The following DMD variants were observed in gnomAD, a reference collection of about 807,000 sequenced individuals.
DMD encodes dystrophin.
In DMD, 63 loss-of-function variants were observed where a neutral mutation model predicts 330.1. The ratio of observed to expected loss-of-function variants is 0.19; its 90% CI spans 0.16 to 0.24. The LOEUF (loss-of-function observed/expected upper bound fraction) is 0.24, where lower values mean the gene tolerates loss of function less well. Among genes scored for constraint, DMD ranks in the 10% least tolerant of loss-of-function variants. The pLI, the probability that DMD is intolerant of heterozygous loss-of-function variation, is 1.00. For synonymous variants in DMD, 1,223 were observed against 959.8 expected, an observed-to-expected ratio of 1.27 and a Z score of -5.07; for missense variants, 3,344 against 2,684.1, an observed-to-expected ratio of 1.25 and a Z score of -5.43.
At chrX:32,897,384 G>C (rs943501599) in intron 2 of DMD, among the ~76,000 whole-genome samples, 3 of 111,575 alleles carry the variant, frequency 2.7e-5, no homozygotes, top group African/African-American at 9.8e-5. Context: ...GAAGGGAAAA[G>C]CTGTGATTTT....
At chrX:32,149,535 AC>A (rs968845768) in intron 44 of DMD, among the ~76,000 whole-genome samples, 1 of 111,568 alleles carries the variant, frequency 9.0e-6, no homozygotes, top group African/African-American at 3.3e-5. Context: ...ATATTCATGA[AC>A]CATAATATCC....
intron 44 of DMD, among the ~76,000 whole-genome samples, chrX:32,114,784 T>C (rs114392155): frequency 1.3e-3 from 151 of 112,626 alleles, no homozygotes; most frequent in African/African-American, 4.8e-3. Flanking sequence ...TACAACATAG[T>C]AGATACTCAA....
chrX:32,446,238 G>A (rs1042329291), intron 27 of DMD, among the ~76,000 whole-genome samples: 2 of 110,500 alleles, frequency 1.8e-5, no homozygotes, highest in Non-Finnish European at 3.8e-5. Context: ...TTTACACACA[G>A]ACAAAGTTGA....
chrX:32,216,571 C>A (rs1375396352), intron 44 of DMD, among the ~76,000 whole-genome samples: 1 of 111,634 alleles, frequency 9.0e-6, no homozygotes, highest in Non-Finnish European at 1.9e-5. Context: ...GCCACAAGTT[C>A]TCCTTCTGGA....
At chrX:31,640,464 T>C (rs975273967) in intron 54 of DMD, among the ~76,000 whole-genome samples, 1 of 112,324 alleles carries the variant, frequency 8.9e-6, no homozygotes, top group African/African-American at 3.2e-5. Flanking sequence ...TGCGCAAAGT[T>C]TAAGATAACT....
intron 7 of DMD, among the ~76,000 whole-genome samples, chrX:32,730,176 A>G (rs2067392650): frequency 8.9e-6 from 1 of 111,737 alleles, no homozygotes; most frequent in Non-Finnish European, 1.9e-5. Flanking sequence ...CTACAAAATA[A>G]CAATAAAAAA....
At chrX:33,166,431 T>C (rs1011496118) in intron 1 of DMD, among the ~76,000 whole-genome samples, 1 of 111,614 alleles carries the variant, frequency 9.0e-6, no homozygotes, top group African/African-American at 3.2e-5. Context: ...AAACTTATGG[T>C]GAAATAATAC....
At chrX:32,158,284 G>A (rs2096837372) in intron 44 of DMD, among the ~76,000 whole-genome samples, 1 of 111,635 alleles carries the variant, frequency 9.0e-6, no homozygotes, top group East Asian at 2.8e-4. Flanking sequence ...TGTGATCCCA[G>A]CTACTTAGGA....
chrX:31,951,179 A>ATATATATG (rs2150100697), intron 45 of DMD, among the ~76,000 whole-genome samples: 1 of 97,064 alleles, frequency 1.0e-5, no homozygotes, highest in African/African-American at 3.8e-5. Flanking sequence ...ATATATGTAT[A>ATATATATG]TATATATATC....
chrX:31,555,510 T>C (rs2074756005), intron 55 of DMD, among the ~76,000 whole-genome samples: 1 of 112,088 alleles, frequency 8.9e-6, no homozygotes, highest in South Asian at 3.8e-4. Flanking sequence ...CACTTAATGT[T>C]CACAAGGTCT....
chrX:33,109,631 G>A (rs2095323761), intron 1 of DMD, among the ~76,000 whole-genome samples: 1 of 111,675 alleles, frequency 9.0e-6, no homozygotes, highest in African/African-American at 3.2e-5. Flanking sequence ...GAGATTTACA[G>A]GTAGCCAATT....
Position 32,554,893 on chromosome X carries a change from G to GA in DMD, c.1993-9560dup, listed in dbSNP as rs1365567118. Among the ~76,000 whole-genome samples, 217 of 20,954 alleles carry GA rather than the reference G, an allele frequency of 0.01. 11 individuals carry two copies. In the Admixed American group the frequency reaches 0.1, roughly 10 times the overall value. The allele number at this position is 20,954 out of a possible 115,157, so 18.2% of individuals were successfully genotyped here. On this transcript the variant is annotated intron_variant, in intron 16 of 78. Transcript: ENST00000357033. ...GAGAAGGAAAGAAGAAAGAAAGAAA[G>GA]AAAGAAAGAAAGAAAGAAAGAAAGA...
At chrX:31,185,786 T>TA (rs375423297) in intron 67 of DMD, among the ~76,000 whole-genome samples, 1 of 109,148 alleles carries the variant, frequency 9.2e-6, no homozygotes, top group African/African-American at 3.3e-5. Flanking sequence ...TTTTTTTTTT[T>TA]ACCACGTACT....
At chrX:32,664,915 T>C (rs1193261780) in intron 9 of DMD, among the ~76,000 whole-genome samples, 3 of 111,298 alleles carry the variant, frequency 2.7e-5, no homozygotes, top group Non-Finnish European at 5.7e-5. Flanking sequence ...GGAATTTGTG[T>C]TGATGGGGAA....
chrX:32,472,140 T>C (rs2040705163), intron 22 of DMD, 24 bp downstream of exon 22: 1 of 1,206,192 alleles, frequency 8.3e-7, no homozygotes, highest in African/African-American at 1.8e-5. Flanking sequence ...GCTTTATTGT[T>C]TTGACATTCA....
intron 44 of DMD, among the ~76,000 whole-genome samples, chrX:32,157,290 A>T (rs2096834013): frequency 8.9e-6 from 1 of 111,966 alleles, no homozygotes. Context: ...ATCCTCAGAA[A>T]GACCTACTTA....
At chrX:31,836,349 T>C (rs2093198053) in intron 49 of DMD, among the ~76,000 whole-genome samples, 1 of 112,131 alleles carries the variant, frequency 8.9e-6, no homozygotes, top group Non-Finnish European at 1.9e-5. Context: ...AGACAGACAC[T>C]ATGATGCAGT....
chrX:31,361,417 T>G (rs2058929291), intron 60 of DMD, among the ~76,000 whole-genome samples: 1 of 111,342 alleles, frequency 9.0e-6, no homozygotes, highest in Admixed American at 9.6e-5. Context: ...CCTTGTGTCT[T>G]GCTGGGAGAT....
At chrX:32,085,596 G>GTA (rs762977465) in intron 44 of DMD, among the ~76,000 whole-genome samples, 6,117 of 66,894 alleles carry the variant, frequency 0.091, 460 homozygotes, top group African/African-American at 0.2. Flanking sequence ...ACACATATAT[G>GTA]TATATATGTG....
Sources: allele counts gnomAD v4.1 joint callset (sites outside exome capture counted in the v4.1 genomes callset), GRCh38; gene constraint gnomAD v4.1.1; transcripts MANE v1.5; gene names NCBI Gene and HGNC (gene_info 2026-07-23, HGNC 2026-07-21).